Variants in PTPRM observed in about 807,000 individuals in gnomAD.
PTPRM encodes receptor-type tyrosine-protein phosphatase mu.
In PTPRM, 47 loss-of-function variants were observed where a neutral mutation model predicts 186.7. The observed-to-expected ratio is 0.25, with a 90% CI of 0.20 to 0.32. The LOEUF (loss-of-function observed/expected upper bound fraction) is 0.32, where lower values mean the gene tolerates loss of function less well. PTPRM is among the 10% of genes least tolerant of loss of function. The probability of loss-of-function intolerance (pLI) is 1.00; values close to 1 mark genes in which losing one functional copy is unlikely to be tolerated. For missense variants in PTPRM, 1,494 were observed against 1,865.0 expected, an observed-to-expected ratio of 0.80 and a Z score of 3.66; for synonymous variants, 668 against 674.9, an observed-to-expected ratio of 0.99 and a Z score of 0.16.
intron 31 of PTPRM, among the ~76,000 whole-genome samples, chr18:8,392,840 C>T (rs1236923006): frequency 2.0e-5 from 3 of 152,110 alleles, no homozygotes; most frequent in Non-Finnish European, 4.4e-5. Flanking sequence ...TATTAGTACC[C>T]TTGGATTTTA....
intron 4 of PTPRM, among the ~76,000 whole-genome samples, chr18:7,923,717 C>T (rs1433737939): frequency 6.6e-6 from 1 of 152,122 alleles, no homozygotes; most frequent in Non-Finnish European, 1.5e-5. Flanking sequence ...TACCTGGGAG[C>T]TGAATTAGAC....
chr18:7,878,920 C>T (rs142744360), intron 2 of PTPRM, among the ~76,000 whole-genome samples: 12 of 152,236 alleles, frequency 7.9e-5, no homozygotes, highest in Non-Finnish European at 1.5e-4. Context: ...CTCTTTAGAA[C>T]GTTCTAAATA....
chr18:7,701,623 C>T lies in PTPRM; in HGVS notation c.74-72526C>T, dbSNP rs576703937. 3.3e-5 allele frequency among the ~76,000 whole-genome samples: 5 copies of T among 151,798 alleles called. 1 individual carries two copies. In the South Asian group the frequency reaches 1.0e-3, roughly 32 times the overall value. ...AAAAAATATATATATAATAATAAAG[C>T]ATATTGAGGAGAGAAGGAGACTATT... On this transcript the variant is annotated intron_variant, in intron 1 of 32. Transcript: ENST00000580170.
At chr18:8,182,895 G>A (rs888732169) in intron 14 of PTPRM, among the ~76,000 whole-genome samples, 5 of 152,166 alleles carry the variant, frequency 3.3e-5, no homozygotes, top group African/African-American at 2.4e-5. Flanking sequence ...GAGTGTGCAC[G>A]GGTATGCATC....
chr18:7,891,986 C>A (rs2049106778), intron 3 of PTPRM, among the ~76,000 whole-genome samples: 1 of 152,190 alleles, frequency 6.6e-6, no homozygotes, highest in African/African-American at 2.4e-5. Flanking sequence ...GATTAAAAAC[C>A]TTCTTTTGGA....
intron 2 of PTPRM, among the ~76,000 whole-genome samples, chr18:7,860,619 T>A (rs1043525267): frequency 1.2e-4 from 18 of 152,194 alleles, no homozygotes; most frequent in African/African-American, 4.3e-4. Context: ...TTTCCTCTCG[T>A]TTATCTTGTT....
intron 2 of PTPRM, among the ~76,000 whole-genome samples, chr18:7,844,841 T>C (rs556387454): frequency 2.0e-5 from 3 of 152,324 alleles, no homozygotes; most frequent in African/African-American, 7.2e-5. Context: ...GCAGTGTTTC[T>C]AATGGCAGTG....
At chr18:8,331,621 T>C (rs982772939) in intron 22 of PTPRM, among the ~76,000 whole-genome samples, 6 of 152,220 alleles carry the variant, frequency 3.9e-5, no homozygotes, top group African/African-American at 1.4e-4. Context: ...GCAGTTCAGG[T>C]TTTAACCCTA....
In PTPRM at chr18:8,288,896, G is replaced by A. The variant is rs540380389; in HGVS notation, c.2755-7472G>A. Among the ~76,000 whole-genome samples the A allele has an allele frequency of 7.2e-5, 11 of 152,310 alleles. No homozygotes were observed. In the South Asian group the frequency reaches 1.0e-3, roughly 14 times the overall value. On this transcript the variant is annotated intron_variant, in intron 19 of 32. Coordinates refer to ENST00000580170, the MANE Select transcript of PTPRM (RefSeq NM_001105244.2). ...CATACTCACATCACCAGGAAGCATC[G>A]CTGTGCAGGTGGTGATAGGACTGTG...
intron 19 of PTPRM, among the ~76,000 whole-genome samples, chr18:8,260,798 G>GC (rs1204337655): frequency 6.6e-6 from 1 of 152,222 alleles, no homozygotes; most frequent in African/African-American, 2.4e-5. Context: ...GGGGAGGACA[G>GC]CCCCTGGAAT....
intron 1 of PTPRM, among the ~76,000 whole-genome samples, chr18:7,711,923 G>A (rs963362885): frequency 6.6e-6 from 1 of 152,152 alleles, no homozygotes; most frequent in Non-Finnish European, 1.5e-5. Flanking sequence ...AGACTTAAAC[G>A]TTCCTTCCTG....
At chr18:8,092,626 C>T (rs953906786) in intron 11 of PTPRM, among the ~76,000 whole-genome samples, 1 of 152,020 alleles carries the variant, frequency 6.6e-6, no homozygotes, top group Non-Finnish European at 1.5e-5. Context: ...TTCCTAAAAG[C>T]ACAGCAGTGT....
At chr18:8,182,872 C>T (rs556391675) in intron 14 of PTPRM, among the ~76,000 whole-genome samples, 86 of 152,320 alleles carry the variant, frequency 5.6e-4, no homozygotes, top group Middle Eastern at 3.4e-3. Context: ...ACCCTCTTTT[C>T]GTATAGCACT....
At chr18:8,089,246 T>G (rs1002283661) in intron 11 of PTPRM, among the ~76,000 whole-genome samples, 1 of 152,168 alleles carries the variant, frequency 6.6e-6, no homozygotes, top group African/African-American at 2.4e-5. Context: ...ACTTTGGGTT[T>G]TATGTCATTT....
chr18:8,112,169 A>G (rs1225545430), intron 11 of PTPRM, among the ~76,000 whole-genome samples: 1 of 152,258 alleles, frequency 6.6e-6, no homozygotes, highest in Non-Finnish European at 1.5e-5. Context: ...TCATTGCCTT[A>G]TAAACCTGCT....
intron 7 of PTPRM, among the ~76,000 whole-genome samples, chr18:7,974,410 C>G (rs1704426264): frequency 6.6e-6 from 1 of 152,142 alleles, no homozygotes; most frequent in Non-Finnish European, 1.5e-5. Context: ...ATTCCCAGAG[C>G]AGTTGTAGAG....
At chr18:7,929,882 C>A (rs1336428341) in intron 5 of PTPRM, among the ~76,000 whole-genome samples, 1 of 152,176 alleles carries the variant, frequency 6.6e-6, no homozygotes, top group African/African-American at 2.4e-5. Context: ...TTGTAATACA[C>A]TAACACCTGT....
chr18:8,178,549 C>A (rs535870021), intron 14 of PTPRM, among the ~76,000 whole-genome samples: 5 of 151,892 alleles, frequency 3.3e-5, no homozygotes, highest in Admixed American at 3.3e-4. Flanking sequence ...TTTGGGAGGC[C>A]GAGGCAGGTG....
chr18:8,191,644 C>T (rs1004144087), intron 14 of PTPRM, among the ~76,000 whole-genome samples: 2 of 152,144 alleles, frequency 1.3e-5, no homozygotes, highest in Admixed American at 6.5e-5. Context: ...AACACACACA[C>T]ACCCAAGAAG....
Sources: allele counts gnomAD v4.1 joint callset (sites outside exome capture counted in the v4.1 genomes callset), GRCh38; gene constraint gnomAD v4.1.1; transcripts MANE v1.5; gene names NCBI Gene and HGNC (gene_info 2026-07-23, HGNC 2026-07-21).